The following MET variants were observed in gnomAD, a reference collection of about 807,000 sequenced individuals.
MET encodes MET proto-oncogene, receptor tyrosine kinase, also known as hepatocyte growth factor receptor.
In MET, 48 loss-of-function variants were observed where a neutral mutation model predicts 133.1. The ratio of observed to expected loss-of-function variants is 0.36; its 90% CI spans 0.29 to 0.46. The LOEUF (loss-of-function observed/expected upper bound fraction) is 0.46, where lower values mean the gene tolerates loss of function less well. Ranked by LOEUF, MET falls within the 20% of genes least tolerant of loss-of-function variation. The pLI, the probability that MET is intolerant of heterozygous loss-of-function variation, is 1.00. For synonymous variants in MET, 628 were observed against 616.5 expected (o/e 1.02, Z -0.28); for missense variants, 1,442 against 1,695.9 (o/e 0.85, Z 2.63).
chr7:116,695,862 T>C (rs1796944322), intron 1 of MET: 1 of 432,018 alleles, frequency 2.3e-6, no homozygotes. Flanking sequence ...TACTGAGGCT[T>C]CATCTTGTCC....
At chr7:116,733,925 G>A (rs1378011207) in intron 3 of MET, among the ~76,000 whole-genome samples, 4 of 152,218 alleles carry the variant, frequency 2.6e-5, no homozygotes, top group Non-Finnish European at 4.4e-5. Context: ...TTTCTCTGAC[G>A]CTTGCCTAAG....
intron 3 of MET, 128 bp from the exon 4 acceptor site, chr7:116,739,822 T>A: frequency 7.8e-7 from 1 of 1,285,758 alleles, no homozygotes; most frequent in Non-Finnish European, 1.1e-6. Flanking sequence ...TGAGGGGAAC[T>A]GTTGGGTCTT....
At chr7:116,772,552 G>A (rs1794869643) in intron 14 of MET, among the ~76,000 whole-genome samples, 1 of 152,146 alleles carries the variant, frequency 6.6e-6, no homozygotes, top group Non-Finnish European at 1.5e-5. Context: ...AAAACACTAT[G>A]CCTAGTAATG....
intron 1 of MET, among the ~76,000 whole-genome samples, chr7:116,691,314 T>C (rs1318152785): frequency 1.3e-5 from 2 of 152,174 alleles, no homozygotes; most frequent in Non-Finnish European, 2.9e-5. Context: ...AATAGATATG[T>C]TCTCAAATGC....
chr7:116,680,964 T>C (rs1796335692), intron 1 of MET, among the ~76,000 whole-genome samples: 1 of 151,346 alleles, frequency 6.6e-6, no homozygotes, highest in African/African-American at 2.4e-5. Flanking sequence ...GGAGGGAGGG[T>C]ATGGAATAAA....
At chr7:116,782,430 G>A (rs1014209126) in intron 18 of MET, among the ~76,000 whole-genome samples, 1 of 152,224 alleles carries the variant, frequency 6.6e-6, no homozygotes, top group African/African-American at 2.4e-5. Context: ...GCATTTGACA[G>A]TGAAAAGGAG....
chr7:116,685,277 A>G (rs1217690442), intron 1 of MET, among the ~76,000 whole-genome samples: 5 of 152,144 alleles, frequency 3.3e-5, no homozygotes. Context: ...CATGATGTCT[A>G]CATGCTGACA....
intron 19 of MET, among the ~76,000 whole-genome samples, chr7:116,794,317 C>A (rs941386557): frequency 6.6e-6 from 1 of 152,100 alleles, no homozygotes; most frequent in Admixed American, 6.5e-5. Context: ...AAAGTTAACA[C>A]GATGATGTTG....
At chr7:116,673,103 T>C (rs1163321111) in intron 1 of MET, among the ~76,000 whole-genome samples, 1 of 152,206 alleles carries the variant, frequency 6.6e-6, no homozygotes, top group East Asian at 1.9e-4. Context: ...TTTCTGGGGC[T>C]TGTGGTGGAC....
chr7:116,784,344 A>G (rs1319063223), intron 19 of MET, among the ~76,000 whole-genome samples: 3 of 152,206 alleles, frequency 2.0e-5, no homozygotes, highest in Admixed American at 6.5e-5. Context: ...TTAGACTGCA[A>G]TCTTTCATCA....
chr7:116,760,385 C>T (rs554699424), intron 10 of MET, among the ~76,000 whole-genome samples: 1 of 152,230 alleles, frequency 6.6e-6, no homozygotes, highest in African/African-American at 2.4e-5. Flanking sequence ...CTCCACCTAT[C>T]CTTATTTTAT....
intron 19 of MET, among the ~76,000 whole-genome samples, chr7:116,786,567 A>G (rs929748934): frequency 6.5e-4 from 99 of 152,316 alleles, no homozygotes; most frequent in African/African-American, 2.3e-3. Context: ...GCTACTCAGT[A>G]CACCAGAAGG....
At position 116,699,280 on chromosome 7, in the gene MET, G is replaced by A. The variant is rs770341307; in HGVS notation, c.196G>A (p.Ala66Thr). 1 of 1,613,996 alleles carries A rather than the reference G, an allele frequency of 6.2e-7. No homozygotes were observed. Among genetic ancestry groups the A allele is most frequent in the South Asian group, 1.1e-5 (1 of 91,090 alleles). ...ILHEHHIFLG[A>T]TNYIYVLNEE... ...ACATGAGCATCACATTTTCCTTGGTGCCACTAACTACATTTATGTTTTAAA... is the reference window on the plus strand; with the variant it reads ...ACATGAGCATCACATTTTCCTTGGTACCACTAACTACATTTATGTTTTAAA... Residue 66 changes from alanine (A) to threonine (T), a missense_variant, in exon 2 of 21, where the codon GCC becomes ACC. Physicochemically the swap from Ala to Thr is moderately conservative, Grantham distance 58. This residue lies in a region of MET where 762 missense variants were observed against 792.4 expected (regional missense o/e 0.96). Coordinates refer to ENST00000397752, the MANE Select transcript of MET (RefSeq NM_000245.4).
intron 2 of MET, among the ~76,000 whole-genome samples, chr7:116,710,926 G>C (rs1285208468): frequency 1.3e-5 from 2 of 152,142 alleles, no homozygotes; most frequent in African/African-American, 4.8e-5. Context: ...AGCTTCCCCT[G>C]CATGCACTTG....
chr7:116,675,003 T>C (rs975381433), intron 1 of MET, among the ~76,000 whole-genome samples: 3 of 152,256 alleles, frequency 2.0e-5, no homozygotes, highest in Admixed American at 2.0e-4. Context: ...GAGCCTTCTT[T>C]TCCTGGCTGG....
chr7:116,788,694 A>G (rs145212056), intron 19 of MET, among the ~76,000 whole-genome samples: 3 of 152,362 alleles, frequency 2.0e-5, no homozygotes, highest in African/African-American at 7.2e-5. Flanking sequence ...GATTGCATGG[A>G]TAAATTTGCA....
chr7:116,713,232 A>G (rs1792064562), intron 2 of MET, among the ~76,000 whole-genome samples: 1 of 152,082 alleles, frequency 6.6e-6, no homozygotes, highest in Non-Finnish European at 1.5e-5. Context: ...CGTCTCTACT[A>G]AAAATACAAA....
chr7:116,699,435 C>T lies in MET; in HGVS notation c.351C>T (p.Asn117=), dbSNP rs2116586628. Residue 117 remains asparagine (N), a synonymous_variant, in exon 2 of 21, where the codon AAC becomes AAT. Transcript: ENST00000397752. ...GAGGTGTTTGGAAAGATAACATCAACATGGCTCTAGTTGTCGACACCTACT... is the reference window on the plus strand; with the variant it reads ...GAGGTGTTTGGAAAGATAACATCAATATGGCTCTAGTTGTCGACACCTACT... The part of the protein sequence containing the change: ...LSGGVWKDNI[N]MALVVDTYYD... 1 of 1,614,050 alleles carries T rather than the reference C, an allele frequency of 6.2e-7. No homozygotes were observed. The highest frequency in any genetic ancestry group is 1.1e-5 in the South Asian group (1 of 91,082).
At chr7:116,774,046 CT>C (rs998696664) in intron 14 of MET, among the ~76,000 whole-genome samples, 1 of 152,122 alleles carries the variant, frequency 6.6e-6, no homozygotes, top group African/African-American at 2.4e-5. Flanking sequence ...ATGATGCCCC[CT>C]CCTTGATATG....
Sources: gnomAD v4.1 joint callset for allele counts (sites outside exome capture counted in the v4.1 genomes callset) on GRCh38, gnomAD v4.1.1 for gene constraint, gnomAD v4.1.1 regional missense constraint, MANE v1.5 for transcripts, NCBI Gene and HGNC (gene_info 2026-07-23, HGNC 2026-07-21) for gene names.